The following PDSS2 variants were observed in gnomAD, a reference collection of about 807,000 sequenced individuals.
PDSS2 encodes the protein all trans-polyprenyl-diphosphate synthase PDSS2.
Under a neutral mutation model 44.5 loss-of-function variants are expected in PDSS2, and 31 were observed. That is an observed-to-expected ratio of 0.70 (90% CI 0.52 to 0.94). The LOEUF is 0.94. PDSS2 is among the 40% of genes least tolerant of loss of function. PDSS2 has a pLI of 0.00. For missense variants in PDSS2, 452 were observed against 482.2 expected (o/e 0.94, Z 0.59); for synonymous variants, 157 against 180.3 (o/e 0.87, Z 1.03).
chr6:107,441,616 T>A (rs1781512785), intron 1 of PDSS2, among the ~76,000 whole-genome samples: 1 of 152,166 alleles, frequency 6.6e-6, no homozygotes, highest in Non-Finnish European at 1.5e-5. Context: ...GTGGAGGTGG[T>A]CAGAATGACT....
intron 1 of PDSS2, among the ~76,000 whole-genome samples, chr6:107,341,393 A>C (rs1778074940): frequency 6.6e-6 from 1 of 152,176 alleles, no homozygotes; most frequent in South Asian, 2.1e-4. Flanking sequence ...TCAGTTTTGG[A>C]CATGTTAACT....
chr6:107,416,605 C>CTTA (rs949960022), intron 1 of PDSS2, among the ~76,000 whole-genome samples: 3 of 152,192 alleles, frequency 2.0e-5, no homozygotes, highest in African/African-American at 7.2e-5. Flanking sequence ...CAACAAACAT[C>CTTA]TTAGGACTGT....
intron 1 of PDSS2, among the ~76,000 whole-genome samples, chr6:107,371,233 A>G (rs1779120907): frequency 6.6e-6 from 1 of 152,046 alleles, no homozygotes; most frequent in South Asian, 2.1e-4. Context: ...CCAAAATATG[A>G]GCTATTACTG....
chr6:107,347,256 C>CTTT (rs35184119), intron 1 of PDSS2, among the ~76,000 whole-genome samples: 970 of 89,932 alleles, frequency 0.011, 3 homozygotes, highest in African/African-American at 0.013. Context: ...ATTATATCTT[C>CTTT]TTTTTTTTTT....
chr6:107,421,210 G>C (rs2114701592), intron 1 of PDSS2, among the ~76,000 whole-genome samples: 1 of 152,248 alleles, frequency 6.6e-6, no homozygotes, highest in Non-Finnish European at 1.5e-5. Context: ...AAAGGATATG[G>C]AGAAACTAGA....
intron 3 of PDSS2, among the ~76,000 whole-genome samples, chr6:107,250,193 A>G (rs1278034843): frequency 6.6e-6 from 1 of 151,204 alleles, no homozygotes; most frequent in Non-Finnish European, 1.5e-5. Flanking sequence ...CCCCCCCGCA[A>G]AAAAATCCTC....
At chr6:107,195,886 A>C (rs1002586616) in intron 6 of PDSS2, among the ~76,000 whole-genome samples, 2 of 152,174 alleles carry the variant, frequency 1.3e-5, no homozygotes, top group African/African-American at 4.8e-5. Context: ...TCATAGTAAG[A>C]AACTTATAAA....
chr6:107,340,000 G>A (rs1399857463), intron 1 of PDSS2, among the ~76,000 whole-genome samples: 1 of 151,424 alleles, frequency 6.6e-6, no homozygotes, highest in Non-Finnish European at 1.5e-5. Flanking sequence ...GGAAACCAAG[G>A]GAGTATGAGG....
chr6:107,427,014 T>C (rs2114730619), intron 1 of PDSS2, among the ~76,000 whole-genome samples: 1 of 152,250 alleles, frequency 6.6e-6, no homozygotes, highest in South Asian at 2.1e-4. Flanking sequence ...TTTTGAAATG[T>C]GAGGACATGA....
At chr6:107,358,697 A>C (rs1778664467) in intron 1 of PDSS2, among the ~76,000 whole-genome samples, 1 of 152,200 alleles carries the variant, frequency 6.6e-6, no homozygotes, top group South Asian at 2.1e-4. Context: ...TGAAAATAAT[A>C]AGGCCAGGGT....
chr6:107,161,811 C>T (rs1261470710), intron 7 of PDSS2, among the ~76,000 whole-genome samples: 1 of 152,192 alleles, frequency 6.6e-6, no homozygotes, highest in Admixed American at 6.6e-5. Context: ...AGATTCTCTA[C>T]CTAGATTCAA....
chr6:107,365,875 A>G (rs1461987502), intron 1 of PDSS2, among the ~76,000 whole-genome samples: 1 of 152,204 alleles, frequency 6.6e-6, no homozygotes, highest in Non-Finnish European at 1.5e-5. Flanking sequence ...TATACCTAAC[A>G]ATAGAGACCC....
At chr6:107,437,780 G>A (rs956985204) in intron 1 of PDSS2, among the ~76,000 whole-genome samples, 1 of 152,078 alleles carries the variant, frequency 6.6e-6, no homozygotes, top group Non-Finnish European at 1.5e-5. Context: ...AACCCATTTT[G>A]TTCAAAGGTC....
intron 3 of PDSS2, among the ~76,000 whole-genome samples, chr6:107,267,582 CTCTT>C (rs1474994542): frequency 3.0e-4 from 43 of 144,958 alleles, no homozygotes; most frequent in Non-Finnish European, 5.1e-4. Flanking sequence ...ACATCAGATT[CTCTT>C]TCTTTTTTTT....
At chr6:107,389,647 A>T (rs1009474780) in intron 1 of PDSS2, among the ~76,000 whole-genome samples, 6 of 152,214 alleles carry the variant, frequency 3.9e-5, no homozygotes, top group Non-Finnish European at 8.8e-5. Flanking sequence ...ATTCATGTTT[A>T]ACTTAATGTA....
chr6:107,451,202 G>T (rs1781855425), intron 1 of PDSS2, among the ~76,000 whole-genome samples: 1 of 152,112 alleles, frequency 6.6e-6, no homozygotes, highest in African/African-American at 2.4e-5. Context: ...ATTCCCATCA[G>T]CAATGCATGA....
In PDSS2 at chr6:107,397,975, T is replaced by TA. The variant is rs541599130; in HGVS notation, c.296+61014dup. Among the ~76,000 whole-genome samples the TA allele has an allele frequency of 7.2e-5, 11 of 152,020 alleles. No homozygotes were observed. In the South Asian group the frequency reaches 1.7e-3, roughly 23 times the overall value. On this transcript the variant is annotated intron_variant, in intron 1 of 7. Coordinates refer to ENST00000369037, the MANE Select transcript of PDSS2 (RefSeq NM_020381.4). ...TGCATGGTACAAAATTATGGACGGG[T>TA]AAAAAAACCCACTCAAAATACAAAA...
At chr6:107,429,166 G>A (rs1031506996) in intron 1 of PDSS2, among the ~76,000 whole-genome samples, 2 of 152,110 alleles carry the variant, frequency 1.3e-5, no homozygotes, top group African/African-American at 2.4e-5. Flanking sequence ...CATTTGAATC[G>A]AGTCCTATAA....
chr6:107,317,978 A>C (rs1017162248), intron 2 of PDSS2, among the ~76,000 whole-genome samples: 6 of 152,150 alleles, frequency 3.9e-5, no homozygotes, highest in Non-Finnish European at 5.9e-5. Flanking sequence ...CTGTTAACAA[A>C]ATTTTTAATT....
Sources: gnomAD v4.1 joint callset for allele counts (sites outside exome capture counted in the v4.1 genomes callset) on GRCh38, gnomAD v4.1.1 for gene constraint, MANE v1.5 for transcripts, NCBI Gene and HGNC (gene_info 2026-07-23, HGNC 2026-07-21) for gene names.